The following BRIP1 variants were observed in gnomAD, a reference collection of about 807,000 sequenced individuals.
The protein encoded by BRIP1 is BRCA1 interacting DNA helicase 1.
A neutral mutation model predicts 119.7 loss-of-function variants in BRIP1; 88 were observed. The ratio of observed to expected loss-of-function variants is 0.74; its 90% confidence interval spans 0.62 to 0.88. The LOEUF (loss-of-function observed/expected upper bound fraction) is 0.88. Ranked by LOEUF, BRIP1 falls within the 40% of genes least tolerant of loss-of-function variation. The pLI is 0.00. For synonymous variants in BRIP1, 443 were observed against 496.5 expected, an observed-to-expected ratio of 0.89 and a Z score of 1.43; for missense variants, 1,259 against 1,455.4, an observed-to-expected ratio of 0.87 and a Z score of 2.20.
In BRIP1 at chr17:61,861,809, G is replaced by A; in HGVS notation, c.-30-240C>T. On this transcript the variant is annotated intron_variant, in intron 1 of 19. Coordinates refer to ENST00000259008, the MANE Select transcript of BRIP1 (RefSeq NM_032043.3). This position sits in a 1 kb window ranked among gnomAD's most constrained non-coding sequence, Gnocchi z 4.5. ...CCAGGTATTAGTTGTGTGACTTCGG[G>A]AAAGTTAGTTACCTTCTCTAAGCCA... is the stretch of plus-strand genomic sequence containing the variant. 1.9e-6 allele frequency: 1 copy of A among 520,342 alleles called. No homozygotes were observed. Among genetic ancestry groups the A allele is most frequent in the Non-Finnish European group, 3.5e-6 (1 of 288,878 alleles). 32.2% of individuals were successfully genotyped at this position (520,342 alleles called of 1,614,324 possible).
Position 61,831,211 on chromosome 17 carries a change from G to A in BRIP1, c.627+15890C>T, listed in dbSNP as rs1225552313. ...AGAATGTTTTCCACCACAAGGTTGT[G>A]AACAAGGCAAGGGTATCCACTCTCA... On this transcript the variant is annotated intron_variant, in intron 6 of 19. Coordinates refer to ENST00000259008, the MANE Select transcript of BRIP1 (RefSeq NM_032043.3). The surrounding 1 kb of genome is among the most constrained non-coding windows in gnomAD (Gnocchi z 4.1). 6.6e-6 allele frequency among the ~76,000 whole-genome samples: 1 copy of A among 152,292 alleles called. No homozygotes were observed. The highest frequency in any genetic ancestry group is 2.4e-5 in the African/African-American group (1 of 41,558).
At chr17:61,797,853 G>A (rs922101290) in intron 9 of BRIP1, among the ~76,000 whole-genome samples, 1 of 151,966 alleles carries the variant, frequency 6.6e-6, no homozygotes, top group Non-Finnish European at 1.5e-5. Context: ...TAAGGAAAAT[G>A]AATATTAAAA....
At chr17:61,849,386 T>TA in intron 4 of BRIP1, 130 bp from the exon 5 acceptor site, 2 of 745,922 alleles carry the variant, frequency 2.7e-6, no homozygotes, top group Non-Finnish European at 4.3e-6. Context: ...ACATGAAACT[T>TA]AAACATGTTT....
chr17:61,728,307 A>G (rs953774837), intron 16 of BRIP1, among the ~76,000 whole-genome samples: 9 of 150,400 alleles, frequency 6.0e-5, no homozygotes, highest in African/African-American at 2.2e-4. Flanking sequence ...TCTGATTTCA[A>G]TAAGTCAAAA....
Position 61,811,359 on chromosome 17 carries a change from G to A in BRIP1, c.628-2602C>T, listed in dbSNP as rs147156392. ...CTGCCTCAGCCTCCCAAGTAGCTGCGATTACAGGCGTCCACCACCACGCCT... is the reference window on the plus strand; with the variant it reads ...CTGCCTCAGCCTCCCAAGTAGCTGCAATTACAGGCGTCCACCACCACGCCT... On this transcript the variant is annotated intron_variant, in intron 6 of 19. Transcript: ENST00000259008. 8.4e-4 allele frequency among the ~76,000 whole-genome samples: 128 copies of A among 151,936 alleles called. 1 individual carries two copies. Among genetic ancestry groups the A allele is most frequent in the Admixed American group, 5.3e-3 (81 of 15,274 alleles).
intron 14 of BRIP1, among the ~76,000 whole-genome samples, chr17:61,765,400 TATATATATATATATATATA>T (rs1257118550): frequency 6.9e-5 from 1 of 14,414 alleles, no homozygotes; most frequent in African/African-American, 2.4e-4. Context: ...TATATATATA[TATATATATATATATATATA>T]TATATTTTTT....
At position 61,691,365 on chromosome 17, in the gene BRIP1, C is replaced by A. The variant is rs1335345895; in HGVS notation, c.2575+2065G>T. Among the ~76,000 whole-genome samples, 1 of 152,042 alleles carries A rather than the reference C, an allele frequency of 6.6e-6. No homozygotes were observed. The highest frequency in any genetic ancestry group is 1.5e-5 in the Non-Finnish European group (1 of 68,000). ...GTACACTGGAAATTATAAAACATTG[C>A]TGAAAAACAGTAAAGATAACACAAA... On this transcript the variant is annotated intron_variant, in intron 18 of 19. Transcript: ENST00000259008. This position sits in a 1 kb window ranked among gnomAD's most constrained non-coding sequence, Gnocchi z 5.0.
chr17:61,782,518 C>T (rs2077639777), intron 11 of BRIP1, among the ~76,000 whole-genome samples: 3 of 151,658 alleles, frequency 2.0e-5, no homozygotes, highest in South Asian at 4.2e-4. Context: ...TGGACTTCAA[C>T]AAGATTAAAA....
At chr17:61,859,412 A>G (rs1204662166) in intron 3 of BRIP1, among the ~76,000 whole-genome samples, 1 of 152,098 alleles carries the variant, frequency 6.6e-6, no homozygotes, top group Admixed American at 6.6e-5. Context: ...GCTCTCTGCA[A>G]CCTCGACCTC....
intron 16 of BRIP1, among the ~76,000 whole-genome samples, chr17:61,727,862 C>G (rs2076789670): frequency 1.3e-5 from 2 of 148,806 alleles, no homozygotes; most frequent in Admixed American, 1.3e-4. Context: ...CACAGTCTTG[C>G]TGTGTTGTCC....
At position 61,734,094 on chromosome 17, in the gene BRIP1, A is replaced by G. The variant is rs2076886655; in HGVS notation, c.2379+8919T>C. On this transcript the variant is annotated intron_variant, in intron 16 of 19. Transcript: ENST00000259008. The surrounding 1 kb of genome is among the most constrained non-coding windows in gnomAD (Gnocchi z 5.2). The stretch of plus-strand genomic sequence containing the variant: ...AATACAAATAAAATGCAATTTTAAA[A>G]CCTAAATATATTTGTACCTTATCAT... Among the ~76,000 whole-genome samples the G allele has an allele frequency of 6.6e-6, 1 of 152,164 alleles. No homozygotes were observed. Among genetic ancestry groups the G allele is most frequent in the Non-Finnish European group, 1.5e-5 (1 of 68,010 alleles).
At chr17:61,817,487 T>C (rs914278328) in intron 6 of BRIP1, among the ~76,000 whole-genome samples, 4 of 152,180 alleles carry the variant, frequency 2.6e-5, no homozygotes, top group African/African-American at 9.6e-5. Flanking sequence ...AAACAAAACA[T>C]ATGACATAGA....
At chr17:61,702,010 A>G (rs1264178877) in intron 17 of BRIP1, among the ~76,000 whole-genome samples, 1 of 152,228 alleles carries the variant, frequency 6.6e-6, no homozygotes, top group African/African-American at 2.4e-5. Flanking sequence ...CACAAAGCTT[A>G]CTGTTCTTAC....
chr17:61,748,136 G>C lies in BRIP1; in HGVS notation c.2098-3545C>G, dbSNP rs978004882. Among the ~76,000 whole-genome samples the C allele has an allele frequency of 3.9e-5, 6 of 152,158 alleles. No individual in the cohort carries two copies. The highest frequency in any genetic ancestry group is 2.1e-4 in the South Asian group (1 of 4,832). On this transcript the variant is annotated intron_variant, in intron 14 of 19. Coordinates refer to ENST00000259008, the MANE Select transcript of BRIP1 (RefSeq NM_032043.3). This position sits in a 1 kb window ranked among gnomAD's most constrained non-coding sequence, Gnocchi z 4.7. ...CAGGAGGTGAGTGGCAGGTGAGTGAGCATTACTGCCTGAGCTCAGTCTCCT... is the reference window on the plus strand; with the variant it reads ...CAGGAGGTGAGTGGCAGGTGAGTGACCATTACTGCCTGAGCTCAGTCTCCT...
chr17:61,683,579 T>TCAG lies in BRIP1; in HGVS notation c.3466_3467insCTG (p.Asn1156delinsThrAsp). ...GCAATCTGAATTGTTAGCCAATCTA[T>TCAG]TTCCTCTATCAGTTTCAGCTAGGTC... On this transcript the variant is annotated protein_altering_variant, in exon 20 of 20. Transcript: ENST00000259008. The surrounding 1 kb of genome is among the most constrained non-coding windows in gnomAD (Gnocchi z 4.7). The TCAG allele has an allele frequency of 6.2e-7, 1 of 1,612,730 alleles. No individual in the cohort carries two copies. The highest frequency in any genetic ancestry group is 8.5e-7 in the Non-Finnish European group (1 of 1,179,972).
Position 61,857,126 on chromosome 17 carries a change from G to A in BRIP1, c.311C>T (p.Thr104Ile), listed in dbSNP as rs876659500. The change falls in exon 4 of 20, where the codon ACT becomes ATT. Residue 104 changes from threonine (T) to isoleucine (I), a missense_variant. Coordinates refer to ENST00000259008, the MANE Select transcript of BRIP1 (RefSeq NM_032043.3). The surrounding 1 kb of genome is among the most constrained non-coding windows in gnomAD (Gnocchi z 5.1). The stretch of plus-strand genomic sequence containing the variant: ...GCTTGGATAGTTGAAATGACGTGAA[G>A]TTCCTTGGTTCATGTCATTGTTTGT... ...DFTNNDMNQG[T>I]SRHFNYPSTP... is the part of the protein sequence containing the mutation. 6.2e-7 allele frequency: 1 copy of A among 1,614,048 alleles called. No individual in the cohort carries two copies. Among genetic ancestry groups the A allele is most frequent in the South Asian group, 1.1e-5 (1 of 91,086 alleles).
rs752309409 is a variant in BRIP1, at chr17:61,808,634, G to A, written c.751C>T (p.Arg251Cys). ...ATCTGAGCAATCTGCTTGTGTGTGCGTGTCCCAAAATATATTTTGGGTATC... is the reference window on the plus strand; with the variant it reads ...ATCTGAGCAATCTGCTTGTGTGTGCATGTCCCAAAATATATTTTGGGTATC... ...SKIPKIYFGT[R>C]THKQIAQITR... The change falls in exon 7 of 20, where the codon CGC (arginine) becomes TGC (cysteine). Residue 251 changes from arginine to cysteine, a missense_variant. Arg to Cys is a radical substitution (Grantham distance 180). Transcript: ENST00000259008. This position sits in a 1 kb window ranked among gnomAD's most constrained non-coding sequence, Gnocchi z 4.1. The A allele has an allele frequency of 1.6e-5, 26 of 1,613,818 alleles. No homozygotes were observed. The highest frequency in any genetic ancestry group is 5.3e-5 in the African/African-American group (4 of 74,856).
rs979210087 is a variant in BRIP1, at chr17:61,754,946, G to A, written c.2098-10355C>T. Among the ~76,000 whole-genome samples, 1 of 152,114 alleles carries A rather than the reference G, an allele frequency of 6.6e-6. No homozygotes were observed. Among genetic ancestry groups the A allele is most frequent in the Non-Finnish European group, 1.5e-5 (1 of 68,020 alleles). On this transcript the variant is annotated intron_variant, in intron 14 of 19. Transcript: ENST00000259008. The surrounding 1 kb of genome is among the most constrained non-coding windows in gnomAD (Gnocchi z 4.1). ...AAATATAACCACACTGGGGGTTAGG[G>A]CTTCAACATAAAAAATTTGGTGGTA...
chr17:61,695,618 G>A lies in BRIP1; in HGVS notation c.2493-2106C>T, dbSNP rs889992229. On this transcript the variant is annotated intron_variant, in intron 17 of 19. Transcript: ENST00000259008. The surrounding 1 kb of genome is among the most constrained non-coding windows in gnomAD (Gnocchi z 4.3). ...ATGATAAGTCTTCTAATCCATGAAC[G>A]TGGGATTCTTTCCATTTATTTAGAA... Among the ~76,000 whole-genome samples the A allele has an allele frequency of 7.2e-5, 11 of 152,028 alleles. No homozygotes were observed. Among genetic ancestry groups the A allele is most frequent in the South Asian group, 2.1e-4 (1 of 4,820 alleles).
Sources: allele counts gnomAD v4.1 joint callset (sites outside exome capture counted in the v4.1 genomes callset), GRCh38; gene constraint gnomAD v4.1.1; non-coding constraint Gnocchi (gnomAD v3.1); transcripts MANE v1.5; gene names NCBI Gene and HGNC (gene_info 2026-07-23, HGNC 2026-07-21).